The following SCOC variants were observed in gnomAD, a reference collection of about 807,000 sequenced individuals.
SCOC encodes short coiled-coil protein.
A neutral mutation model predicts 9.9 loss-of-function variants in SCOC; 7 were observed. That is an observed-to-expected ratio of 0.71 (90% confidence interval 0.40 to 1.33). The LOEUF (loss-of-function observed/expected upper bound fraction) is 1.33, where lower values mean the gene tolerates loss of function less well. Ranked by LOEUF, SCOC falls within the 40% of genes most tolerant of loss-of-function variation. The pLI is 0.01. For missense variants in SCOC, 66 were observed against 89.7 expected (o/e 0.74, Z 1.07); for synonymous variants, 19 against 28.2 (o/e 0.67, Z 1.03).
At chr4:140,260,250 A>C (rs915328556) in intron 1 of SCOC, among the ~76,000 whole-genome samples, 8 of 152,218 alleles carry the variant, frequency 5.3e-5, no homozygotes, top group Non-Finnish European at 8.8e-5. Context: ...TGAGCCTTGC[A>C]CTAAGAAGGT....
chr4:140,309,216 A>G (rs1732080153), intron 1 of SCOC, among the ~76,000 whole-genome samples: 1 of 152,224 alleles, frequency 6.6e-6, no homozygotes, highest in South Asian at 2.1e-4. Flanking sequence ...ACCAGTGCTG[A>G]TCCTGAAGTG....
chr4:140,330,933 C>T (rs1048853220), intron 1 of SCOC, among the ~76,000 whole-genome samples: 8 of 152,166 alleles, frequency 5.3e-5, no homozygotes, highest in Non-Finnish European at 7.3e-5. Flanking sequence ...ATCAATGCAG[C>T]GTACGGCTGG....
chr4:140,342,691 T>C (rs550085581), upstream of SCOC, among the ~76,000 whole-genome samples: 2 of 152,204 alleles, frequency 1.3e-5, no homozygotes, highest in South Asian at 4.1e-4. Flanking sequence ...ATTTGGCTAT[T>C]TTTTTCCGCA....
chr4:140,362,301 T>TCTTCCTCTTCTTCTTCTTCTTC, intron 2 of SCOC, among the ~76,000 whole-genome samples: 1 of 29,410 alleles, frequency 3.4e-5, no homozygotes, highest in African/African-American at 1.2e-4. Context: ...TTCTTCTTCT[T>TCTTCCTCTTCTTCTTCTTCTTC]TTTTTTTTTT....
upstream of SCOC, chr4:140,373,187 C>A: frequency 1.3e-6 from 1 of 748,964 alleles, no homozygotes; most frequent in Non-Finnish European, 1.7e-6. Context: ...ACGACGGTGT[C>A]GCGTTGACTT....
In SCOC at chr4:140,382,859, A is replaced by G. The variant is rs886582630; in HGVS notation, c.*1755A>G. 2.0e-5 allele frequency: 3 copies of G among 152,228 alleles called. No homozygotes were observed. Among genetic ancestry groups the G allele is most frequent in the Non-Finnish European group, 4.4e-5 (3 of 68,040 alleles). The allele number at this position is 152,228 out of a possible 1,614,324, so 9.4% of individuals were successfully genotyped here. A position where few individuals can be genotyped will look rare whatever the true frequency, so the allele number is the denominator to read the frequency against. ...TTAGCAAGAGACCCAGTGATAAAGA[A>G]TATAAATATAGAAGTTTCTCTCCCA... On this transcript the variant is annotated 3_prime_UTR_variant, in exon 4 of 4. Transcript: ENST00000608372.
intron 1 of SCOC, among the ~76,000 whole-genome samples, chr4:140,315,907 G>A (rs1415421578): frequency 2.4e-4 from 37 of 151,980 alleles, no homozygotes; most frequent in Non-Finnish European, 1.5e-5. Flanking sequence ...ATGTACTGTA[G>A]CATTAAGATA....
rs1331709759 is a variant in SCOC at position 140,317,967 on chromosome 4, C to T, written c.-18-25654C>T. Among the ~76,000 whole-genome samples the T allele has an allele frequency of 5.4e-5, 8 of 148,334 alleles. No individual in the cohort carries two copies. The South Asian group carries it at 6.5e-4, about 12-fold the overall frequency. ...TGCGGTGTTTGGTTTTTTGTTCTTG[C>T]GATAGTTTACTGAGAATGATGGTTT... is the stretch of plus-strand genomic sequence containing the variant. On this transcript the variant is annotated intron_variant, in intron 1 of 4. Coordinates refer to the SCOC transcript ENST00000394205.
At chr4:140,279,343 G>A (rs1009363110) in intron 1 of SCOC, among the ~76,000 whole-genome samples, 1 of 152,070 alleles carries the variant, frequency 6.6e-6, no homozygotes, top group Non-Finnish European at 1.5e-5. Context: ...CTCATTTTTT[G>A]TGATTAAGCA....
At position 140,379,183 on chromosome 4, in the gene SCOC, G is replaced by C. The variant is rs909135523; in HGVS notation, c.13G>C (p.Asp5His). ...TTTGTTACCCAAGATGATGAATGCTGACATGGATGGTATGTTCTTCATTTT... is the reference window on the plus strand; with the variant it reads ...TTTGTTACCCAAGATGATGAATGCTCACATGGATGGTATGTTCTTCATTTT... MMNA[D>H]MDAVDAENQV... is the part of the protein sequence containing the mutation. Residue 5 changes from aspartate to histidine, a missense_variant, in exon 2 of 4, where the codon GAC becomes CAC. Asp to His is a moderately conservative substitution (Grantham distance 81). Coordinates refer to ENST00000608372, the MANE Select transcript of SCOC (RefSeq NM_001153484.2). 1.9e-6 allele frequency: 3 copies of C among 1,603,324 alleles called. No individual in the cohort carries two copies. Among genetic ancestry groups the C allele is most frequent in the Middle Eastern group, 3.3e-4 (2 of 6,050 alleles).
At chr4:140,292,131 T>C (rs1429084364) in intron 1 of SCOC, among the ~76,000 whole-genome samples, 1 of 151,946 alleles carries the variant, frequency 6.6e-6, no homozygotes, top group East Asian at 1.9e-4. Context: ...CCCCCCATCT[T>C]ATGTTCAACC....
At chr4:140,311,401 CT>C (rs1732152295) in intron 1 of SCOC, among the ~76,000 whole-genome samples, 2 of 152,096 alleles carry the variant, frequency 1.3e-5, no homozygotes, top group South Asian at 4.2e-4. Flanking sequence ...CTCATAACCC[CT>C]TATGTTGAGT....
chr4:140,307,730 A>C (rs1732033662), intron 1 of SCOC, among the ~76,000 whole-genome samples: 1 of 152,174 alleles, frequency 6.6e-6, no homozygotes, highest in Admixed American at 6.5e-5. Flanking sequence ...ACACTCATGG[A>C]TACTGGGTCT....
chr4:140,380,194 C>CTTT (rs993271002), intron 3 of SCOC, among the ~76,000 whole-genome samples: 86 of 108,396 alleles, frequency 7.9e-4, no homozygotes, highest in African/African-American at 1.1e-3. Context: ...TTTTCTTTTT[C>CTTT]TTTTTTTTTT....
chr4:140,268,267 T>A (rs1730772959), intron 1 of SCOC, among the ~76,000 whole-genome samples: 1 of 152,216 alleles, frequency 6.6e-6, no homozygotes, highest in Non-Finnish European at 1.5e-5. Flanking sequence ...GTATCTTGTG[T>A]CTGGTTCAAA....
intron 1 of SCOC, chr4:140,285,341 A>C: frequency 2.2e-6 from 1 of 453,288 alleles, no homozygotes; most frequent in Non-Finnish European, 4.4e-6. Flanking sequence ...TATCTTTGTC[A>C]CAAACAGGTC....
chr4:140,292,101 T>A (rs1216011018), intron 1 of SCOC, among the ~76,000 whole-genome samples: 1 of 152,018 alleles, frequency 6.6e-6, no homozygotes, highest in South Asian at 2.1e-4. Context: ...AGCATCCTCA[T>A]TGACTGACCA....
At chr4:140,277,039 C>T (rs909714398) in intron 1 of SCOC, among the ~76,000 whole-genome samples, 17 of 152,088 alleles carry the variant, frequency 1.1e-4, no homozygotes, top group African/African-American at 3.6e-4. Flanking sequence ...AAAGAAAGTT[C>T]TTGTGAATTA....
At chr4:140,379,288 A>G (rs746814819) in intron 2 of SCOC, 96 bp downstream of exon 2, 57 of 879,496 alleles carry the variant, frequency 6.5e-5, no homozygotes, top group Admixed American at 9.6e-5. Flanking sequence ...TGTTTAGAAG[A>G]CTTTGATCTT....
Sources: allele counts gnomAD v4.1 joint callset (sites outside exome capture counted in the v4.1 genomes callset), GRCh38; gene constraint gnomAD v4.1.1; transcripts MANE v1.5; gene names NCBI Gene and HGNC (gene_info 2026-07-23, HGNC 2026-07-21).